Variants in COL24A1 observed in about 807,000 individuals in gnomAD.
COL24A1 encodes the protein collagen type XXIV alpha 1 chain, also known as collagen alpha-1(XXIV) chain.
A neutral mutation model predicts 253.9 loss-of-function variants in COL24A1; 224 were observed. The ratio of observed to expected loss-of-function variants is 0.88; its 90% CI spans 0.79 to 0.99. COL24A1 has a LOEUF of 0.99. Among genes scored for constraint, COL24A1 ranks in the 50% least tolerant of loss-of-function variants. COL24A1 has a pLI of 0.00. For missense variants in COL24A1, 2,131 were observed against 2,068.5 expected, an observed-to-expected ratio of 1.03 and a Z score of -0.59; for synonymous variants, 685 against 673.7, an observed-to-expected ratio of 1.02 and a Z score of -0.26.
intron 37 of COL24A1, among the ~76,000 whole-genome samples, chr1:85,864,649 A>C (rs1424245510): frequency 1.3e-5 from 2 of 152,236 alleles, no homozygotes; most frequent in Middle Eastern, 3.4e-3. Context: ...TTATGACTTC[A>C]CTTTTAAGAT....
At chr1:86,120,713 C>A (rs548428177) in intron 3 of COL24A1, among the ~76,000 whole-genome samples, 40 of 152,298 alleles carry the variant, frequency 2.6e-4, no homozygotes, top group Non-Finnish European at 4.7e-4. Context: ...ACTAGTTCAA[C>A]CATTGTGGAA....
At chr1:86,090,446 G>A (rs1310106094) in intron 6 of COL24A1, among the ~76,000 whole-genome samples, 1 of 152,090 alleles carries the variant, frequency 6.6e-6, no homozygotes, top group Non-Finnish European at 1.5e-5. Flanking sequence ...ATCTATTACA[G>A]ATGTTACTTA....
intron 4 of COL24A1, 57 bp downstream of exon 4, chr1:86,115,268 C>T (rs373204983): frequency 2.3e-5 from 36 of 1,562,496 alleles, no homozygotes; most frequent in African/African-American, 1.4e-4. Context: ...CTAGAAAAAA[C>T]ATGTTAGAAA....
At chr1:85,860,684 T>C (rs979025689) in intron 37 of COL24A1, among the ~76,000 whole-genome samples, 1 of 152,198 alleles carries the variant, frequency 6.6e-6, no homozygotes, top group East Asian at 1.9e-4. Flanking sequence ...GAGCTTGCAG[T>C]GAGCCAAGAT....
intron 3 of COL24A1, among the ~76,000 whole-genome samples, chr1:86,124,213 G>A (rs117149205): frequency 0.033 from 1,369 of 42,046 alleles, 24 homozygotes; most frequent in East Asian, 0.2. Context: ...TATTAAACAA[G>A]TGCCTTGGTT....
intron 5 of COL24A1, among the ~76,000 whole-genome samples, chr1:86,100,641 G>C (rs1704364041): frequency 6.6e-6 from 1 of 152,096 alleles, no homozygotes; most frequent in South Asian, 2.1e-4. Flanking sequence ...ATAGCTTTCA[G>C]CATTGGGGTC....
chr1:86,142,834 T>C (rs1281932382), intron 2 of COL24A1, among the ~76,000 whole-genome samples: 3 of 152,024 alleles, frequency 2.0e-5, no homozygotes, highest in Admixed American at 6.5e-5. Flanking sequence ...CAATGAATTG[T>C]AAAAAGACCT....
At chr1:85,733,183 A>C (rs970631878) in intron 59 of COL24A1, among the ~76,000 whole-genome samples, 1 of 152,252 alleles carries the variant, frequency 6.6e-6, no homozygotes, top group African/African-American at 2.4e-5. Context: ...ATGAAAAAGT[A>C]GAGTAACTTG....
chr1:86,112,848 C>T (rs368325267), intron 4 of COL24A1, among the ~76,000 whole-genome samples: 1 of 152,178 alleles, frequency 6.6e-6, no homozygotes, highest in East Asian at 1.9e-4. Context: ...GAACATGAAG[C>T]AATATCTCTC....
At chr1:85,731,702 T>A (rs1014828701) in intron 59 of COL24A1, among the ~76,000 whole-genome samples, 2 of 152,198 alleles carry the variant, frequency 1.3e-5, no homozygotes, top group African/African-American at 4.8e-5. Context: ...CTTATAAATC[T>A]AATTGAAGAG....
intron 43 of COL24A1, among the ~76,000 whole-genome samples, chr1:85,823,990 G>T (rs1191674628): frequency 6.6e-6 from 1 of 151,902 alleles, no homozygotes; most frequent in East Asian, 1.9e-4. Context: ...AGGCTGAATG[G>T]TGGCCTCCCA....
chr1:85,813,530 G>A (rs1251372257), intron 47 of COL24A1, among the ~76,000 whole-genome samples: 3 of 105,974 alleles, frequency 2.8e-5, no homozygotes, highest in Non-Finnish European at 5.4e-5. Context: ...TCTCATTCAG[G>A]TCTTTTTTTT....
At chr1:85,794,143 T>C (rs1293948275) in intron 47 of COL24A1, among the ~76,000 whole-genome samples, 1 of 152,138 alleles carries the variant, frequency 6.6e-6, no homozygotes, top group Non-Finnish European at 1.5e-5. Flanking sequence ...GTGAGCCTCT[T>C]ATCTCCAGAT....
rs376251162 is a variant in COL24A1, at chr1:86,041,231, T to G, written c.1950+5594A>C. ...CAGAGGAAGAAAACTAAGTACAGTT[T>G]TGCTCTTTGTCAAACTTTAAATGTA... On this transcript the variant is annotated intron_variant, in intron 12 of 59. Coordinates refer to ENST00000370571, the MANE Select transcript of COL24A1 (RefSeq NM_152890.7). Among the ~76,000 whole-genome samples, 14 of 152,294 alleles carry G rather than the reference T, an allele frequency of 9.2e-5. No homozygotes were observed. The East Asian group carries it at 2.7e-3, about 29-fold the overall frequency.
At chr1:85,767,130 T>G (rs1269954111) in intron 53 of COL24A1, among the ~76,000 whole-genome samples, 2 of 151,146 alleles carry the variant, frequency 1.3e-5, no homozygotes, top group East Asian at 3.9e-4. Context: ...ATAATAATAA[T>G]AATAAGATTG....
At chr1:85,933,055 T>A in intron 24 of COL24A1, among the ~76,000 whole-genome samples, 2 of 118,978 alleles carry the variant, frequency 1.7e-5, no homozygotes, top group Non-Finnish European at 1.6e-5. Flanking sequence ...ACCTGCACAA[T>A]GTGCACATGT....
At chr1:85,991,677 T>C (rs1280010538) in intron 19 of COL24A1, among the ~76,000 whole-genome samples, 1 of 152,176 alleles carries the variant, frequency 6.6e-6, no homozygotes, top group African/African-American at 2.4e-5. Context: ...CGTGTGAATC[T>C]CTGCTCCTTA....
intron 19 of COL24A1, among the ~76,000 whole-genome samples, chr1:86,003,225 A>T (rs1280972543): frequency 6.6e-6 from 1 of 152,196 alleles, no homozygotes; most frequent in Non-Finnish European, 1.5e-5. Context: ...AGGACACTTG[A>T]CTATGGGACA....
chr1:85,912,597 C>T (rs1248447118), intron 24 of COL24A1, among the ~76,000 whole-genome samples: 1 of 152,156 alleles, frequency 6.6e-6, no homozygotes, highest in African/African-American at 2.4e-5. Context: ...CTCTATCTAT[C>T]TAATGATCCC....
Sources: gnomAD v4.1 joint callset for allele counts (sites outside exome capture counted in the v4.1 genomes callset) on GRCh38, gnomAD v4.1.1 for gene constraint, MANE v1.5 for transcripts, NCBI Gene and HGNC (gene_info 2026-07-23, HGNC 2026-07-21) for gene names.